Variants in DSE observed in about 807,000 individuals in gnomAD.
DSE encodes the protein dermatan-sulfate epimerase.
A neutral mutation model predicts 84.4 loss-of-function variants in DSE; 36 were observed. That is an observed-to-expected ratio of 0.43 (90% CI 0.33 to 0.56). The LOEUF (loss-of-function observed/expected upper bound fraction) is 0.56, where lower values mean the gene tolerates loss of function less well. Among genes scored for constraint, DSE ranks in the 20% least tolerant of loss-of-function variants. The probability of loss-of-function intolerance (pLI) is 0.06; values close to 1 mark genes in which losing one functional copy is unlikely to be tolerated. For missense variants in DSE, 862 were observed against 1,169.6 expected (o/e 0.74, Z 3.84); for synonymous variants, 410 against 430.1 (o/e 0.95, Z 0.58).
At chr6:116,379,305 G>A (rs977486827) in intron 1 of DSE, among the ~76,000 whole-genome samples, 11 of 152,228 alleles carry the variant, frequency 7.2e-5, no homozygotes, top group South Asian at 2.1e-4. Flanking sequence ...TTTCAGGTTA[G>A]TCTTATAGAC....
chr6:116,279,951 G>A (rs897754162), intron 2 of DSE: 5 of 1,419,102 alleles, frequency 3.5e-6, no homozygotes, highest in Non-Finnish European at 4.0e-6. Flanking sequence ...CGGCGGTGTC[G>A]TCAGGACTGG....
intron 2 of DSE, among the ~76,000 whole-genome samples, chr6:116,424,986 G>C (rs1187032978): frequency 6.6e-6 from 1 of 152,152 alleles, no homozygotes; most frequent in African/African-American, 2.4e-5. Context: ...CATGAGTAGA[G>C]ATAACCAATC....
intron 2 of DSE, chr6:116,259,031 G>A: frequency 3.3e-6 from 5 of 1,498,454 alleles, no homozygotes; most frequent in Non-Finnish European, 3.7e-6. Context: ...TCACTGATGT[G>A]CACATCATCA....
chr6:116,347,796 A>C (rs542372645), intron 2 of DSE, among the ~76,000 whole-genome samples: 3 of 152,198 alleles, frequency 2.0e-5, no homozygotes, highest in Non-Finnish European at 2.9e-5. Context: ...TGACAAATGG[A>C]ATCTAATTAA....
chr6:116,341,119 G>A (rs559730880), intron 2 of DSE, among the ~76,000 whole-genome samples: 167 of 152,232 alleles, frequency 1.1e-3, no homozygotes, highest in African/African-American at 3.4e-3. Context: ...AAAAGTGTTC[G>A]TGTTTCTCCA....
rs1252664794 is a variant in DSE at position 116,439,466 on chromosome 6, T to C, written c.*2121T>C. 1.5e-4 allele frequency: 22 copies of C among 151,560 alleles called. No individual in the cohort carries two copies. The East Asian group carries it at 3.7e-3, about 25-fold the overall frequency. The allele number at this position is 151,560 out of a possible 1,614,324, so 9.4% of individuals were successfully genotyped here. A position where few individuals can be genotyped will look rare whatever the true frequency, so the allele number is the denominator to read the frequency against. ...TTCTTCTAATGAACCTGGTATTTAT[T>C]TCCTTAAAAAGAAACTTCCTCAGGC... On this transcript the variant is annotated 3_prime_UTR_variant, in exon 6 of 6. Transcript: ENST00000644252.
At chr6:116,309,518 C>T (rs187076977) in intron 2 of DSE, among the ~76,000 whole-genome samples, 1 of 152,276 alleles carries the variant, frequency 6.6e-6, no homozygotes, top group East Asian at 1.9e-4. Context: ...ATGAATTATT[C>T]ATCTTTGCTT....
chr6:116,272,020 C>G (rs1772902464), intron 2 of DSE, among the ~76,000 whole-genome samples: 1 of 152,120 alleles, frequency 6.6e-6, no homozygotes, highest in Admixed American at 6.5e-5. Context: ...TTTCTATCAC[C>G]ATAAAAAAGT....
In DSE at chr6:116,413,143, T is replaced by C. The variant is rs137946130; in HGVS notation, c.417-13431T>C. Among the ~76,000 whole-genome samples, 146 of 152,290 alleles carry C rather than the reference T, an allele frequency of 9.6e-4. 1 individual carries two copies. Among genetic ancestry groups the C allele is most frequent in the Non-Finnish European group, 1.7e-3 (117 of 68,020 alleles). On this transcript the variant is annotated intron_variant, in intron 2 of 5. Coordinates refer to ENST00000644252, the MANE Select transcript of DSE (RefSeq NM_013352.4). ...TCTGTGTTTTTGCTGTTGTAAATAG[T>C]AGTGCAGTGGACGCACAAGCTGATG...
intron 2 of DSE, among the ~76,000 whole-genome samples, chr6:116,355,440 G>A (rs774897223): frequency 3.3e-5 from 5 of 152,090 alleles, no homozygotes; most frequent in Non-Finnish European, 5.9e-5. Flanking sequence ...CTCCAATTAG[G>A]CCACAGACTC....
chr6:116,343,050 G>C (rs1482379893), intron 2 of DSE, among the ~76,000 whole-genome samples: 1 of 152,196 alleles, frequency 6.6e-6, no homozygotes, highest in African/African-American at 2.4e-5. Flanking sequence ...CTCACTGCTA[G>C]CACAGCAGTC....
At chr6:116,351,198 C>T (rs1052402795) in intron 2 of DSE, among the ~76,000 whole-genome samples, 1 of 152,138 alleles carries the variant, frequency 6.6e-6, no homozygotes, top group Non-Finnish European at 1.5e-5. Context: ...GGAATGTTTT[C>T]CTTCACTGAA....
chr6:116,371,111 G>A lies in DSE; in HGVS notation c.-64G>A, dbSNP rs956943724. The A allele has an allele frequency of 4.1e-6, 4 of 986,082 alleles. No homozygotes were observed. Among genetic ancestry groups the A allele is most frequent in the Non-Finnish European group, 4.8e-6 (4 of 830,600 alleles). The allele number at this position is 986,082 out of a possible 1,614,324, so 61.1% of individuals were successfully genotyped here. ...GCGACGCCGGAGAGAACGAAGCCTC[G>A]GCTGGGAGCGGTAAGTGGAGGGGCG... On this transcript the variant is annotated 5_prime_UTR_variant, in exon 1 of 6. Coordinates refer to ENST00000644252, the MANE Select transcript of DSE (RefSeq NM_013352.4).
At position 116,393,409 on chromosome 6, in the gene DSE, C is replaced by G. The variant is rs544903722; in HGVS notation, c.-53-5789C>G. 7.7e-4 allele frequency among the ~76,000 whole-genome samples: 117 copies of G among 152,224 alleles called. 1 individual carries two copies. The highest frequency in any genetic ancestry group is 3.4e-3 in the Middle Eastern group (1 of 294). On this transcript the variant is annotated intron_variant, in intron 1 of 5. Transcript: ENST00000644252. ...CCCTAGTCAGTTAACATCTATAGTT[C>G]TTATATTTTTACCTGTAAAGTATGA...
intron 2 of DSE, among the ~76,000 whole-genome samples, chr6:116,418,745 T>C (rs1339279917): frequency 6.6e-6 from 1 of 152,180 alleles, no homozygotes; most frequent in African/African-American, 2.4e-5. Context: ...GAAAGCGCCG[T>C]TCTTCCCCTC....
At chr6:116,431,233 T>A in intron 4 of DSE, 40 bp downstream of exon 4, 1 of 1,601,598 alleles carries the variant, frequency 6.2e-7, no homozygotes, top group Non-Finnish European at 8.5e-7. Flanking sequence ...ATTAAACTAT[T>A]GTAATTTTTT....
At chr6:116,324,559 C>T (rs574038928) in intron 2 of DSE, among the ~76,000 whole-genome samples, 2 of 152,270 alleles carry the variant, frequency 1.3e-5, no homozygotes, top group African/African-American at 4.8e-5. Flanking sequence ...ATAGTTGCAG[C>T]GTACGTAGCT....
chr6:116,311,237 A>C (rs1775677154), intron 2 of DSE, among the ~76,000 whole-genome samples: 1 of 152,180 alleles, frequency 6.6e-6, no homozygotes, highest in African/African-American at 2.4e-5. Flanking sequence ...AGCATTTGTC[A>C]CAATCCAAAG....
intron 2 of DSE, among the ~76,000 whole-genome samples, chr6:116,413,704 A>G (rs1408718331): frequency 6.6e-6 from 1 of 152,214 alleles, no homozygotes; most frequent in Non-Finnish European, 1.5e-5. Context: ...AAATCAAATT[A>G]TCAAAGAAAA....
Sources: allele counts gnomAD v4.1 joint callset (sites outside exome capture counted in the v4.1 genomes callset), GRCh38; gene constraint gnomAD v4.1.1; transcripts MANE v1.5; gene names NCBI Gene and HGNC (gene_info 2026-07-23, HGNC 2026-07-21).